MYH9: variants seen among roughly 807,000 people sequenced by gnomAD.
MYH9 encodes the protein myosin-9.
Under a neutral mutation model 241.9 loss-of-function variants are expected in MYH9, and 29 were observed. That is an observed-to-expected ratio of 0.12 (90% CI 0.09 to 0.16). The LOEUF (loss-of-function observed/expected upper bound fraction) is 0.16, where lower values mean the gene tolerates loss of function less well. MYH9 is among the 10% of genes least tolerant of loss of function. MYH9 has a pLI of 1.00. For missense variants in MYH9, 1,803 were observed against 2,595.5 expected (o/e 0.69, Z 6.63); for synonymous variants, 1,047 against 1,062.6 (o/e 0.99, Z 0.29).
At position 36,288,937 on chromosome 22, in the gene MYH9, G is replaced by T. The variant is rs1396297372; in HGVS notation, c.4560C>A (p.Val1520=). 6.2e-7 allele frequency: 1 copy of T among 1,613,712 alleles called. No individual in the cohort carries two copies. Among genetic ancestry groups the T allele is most frequent in the Non-Finnish European group, 8.5e-7 (1 of 1,180,042 alleles). Residue 1520 remains valine, a splice_region_variant and synonymous_variant, in exon 33 of 41, where the codon GTC becomes GTA. Transcript: ENST00000216181. This position sits in a 1 kb window ranked among gnomAD's most constrained non-coding sequence, Gnocchi z 4.8. ...MSSKDDVGKS[V]HELEKSKRAL... ...CCCGCTTGGACTTCTCCAGCTCGTG[G>T]ACCTGAGCCCCAGAGAGCCCAAGTC...
intron 31 of MYH9, 145 bp downstream of exon 31, chr22:36,291,841 C>A: frequency 8.4e-7 from 1 of 1,196,004 alleles, no homozygotes; most frequent in Non-Finnish European, 1.2e-6. Context: ...AAGCCAGAGC[C>A]TGAGGGTCCT....
chr22:36,285,691 C>T lies in MYH9; in HGVS notation c.5241G>A (p.Leu1747=). ...TGGCCTTCTTCAGCCGGTCGTTGATCAGCTCCGTGTTGCCCTGCTCCTCCT... is the reference window on the plus strand; with the variant it reads ...TGGCCTTCTTCAGCCGGTCGTTGATTAGCTCCGTGTTGCCCTGCTCCTCCT... The part of the protein sequence containing the change: ...ELEEEQGNTE[L]INDRLKKANL... Residue 1747 remains leucine, a synonymous_variant, in exon 37 of 41, where the codon CTG becomes CTA. Coordinates refer to ENST00000216181, the MANE Select transcript of MYH9 (RefSeq NM_002473.6). The surrounding 1 kb of genome is among the most constrained non-coding windows in gnomAD (Gnocchi z 7.0). 1 of 1,613,002 alleles carries T rather than the reference C, an allele frequency of 6.2e-7. No individual in the cohort carries two copies. Among genetic ancestry groups the T allele is most frequent in the Non-Finnish European group, 8.5e-7 (1 of 1,180,014 alleles).
In MYH9 at chr22:36,282,418, T is replaced by TGGGCCC; in HGVS notation, c.*244_*249dup. 4.9e-6 allele frequency: 3 copies of TGGGCCC among 612,910 alleles called. No individual in the cohort carries two copies. Among genetic ancestry groups the TGGGCCC allele is most frequent in the Non-Finnish European group, 8.8e-6 (3 of 341,666 alleles). 38.0% of individuals were successfully genotyped at this position (612,910 alleles called of 1,614,324 possible). A position where few individuals can be genotyped will look rare whatever the true frequency, so the allele number is the denominator to read the frequency against. ...AGGAGCCTGCTGGTCGCTCTCTGCC[T>TGGGCCC]GGGCCCGGGCCCTGTCTCTTTGGTA... is the stretch of plus-strand genomic sequence containing the variant. On this transcript the variant is annotated 3_prime_UTR_variant, in exon 41 of 41. Transcript: ENST00000216181.
At chr22:36,352,053 C>T (rs1375639293) in intron 1 of MYH9, among the ~76,000 whole-genome samples, 1 of 152,214 alleles carries the variant, frequency 6.6e-6, no homozygotes, top group Admixed American at 6.5e-5. Context: ...CAGAGTTGCC[C>T]AACCCAGGCA....
chr22:36,350,295 T>C (rs1396292152), intron 1 of MYH9, among the ~76,000 whole-genome samples: 1 of 152,236 alleles, frequency 6.6e-6, no homozygotes, highest in Admixed American at 6.5e-5. Flanking sequence ...CCTAGCACTT[T>C]GGGAGGCCGA....
chr22:36,326,490 G>T, intron 5 of MYH9, 78 bp downstream of exon 5: 1 of 1,287,196 alleles, frequency 7.8e-7, no homozygotes, highest in Non-Finnish European at 1.1e-6. Context: ...GCTGAAGCCG[G>T]GACCACTAAG....
chr22:36,285,460 A>G lies in MYH9; in HGVS notation c.5275-131T>C, dbSNP rs2016563865. ...TCCAGAGTCTTGGGTCTCCCAGAAA[A>G]GGGAAGATTAGAAACTTCTGAACAC... On this transcript the variant is annotated intron_variant, in intron 37 of 40. Transcript: ENST00000216181. This position sits in a 1 kb window ranked among gnomAD's most constrained non-coding sequence, Gnocchi z 7.0. The G allele has an allele frequency of 1.5e-6, 2 of 1,307,010 alleles. No individual in the cohort carries two copies. Among genetic ancestry groups the G allele is most frequent in the African/African-American group, 2.9e-5 (2 of 68,696 alleles). The allele number at this position is 1,307,010 out of a possible 1,614,324, so 81.0% of individuals were successfully genotyped here. A position where few individuals can be genotyped will look rare whatever the true frequency, so the allele number is the denominator to read the frequency against.
rs2146324926 is a variant in MYH9, at chr22:36,282,293, TCA to T, written c.*373_*374del. Reference sequence around the variant, plus strand: ...CGGGGGCTCCGACTACCAAAAGGCCTCAGTCTGAAGAAAAATAGATTCATAGA... The same window carrying T: ...CGGGGGCTCCGACTACCAAAAGGCCTGTCTGAAGAAAAATAGATTCATAGA... On this transcript the variant is annotated 3_prime_UTR_variant, in exon 41 of 41. Coordinates refer to ENST00000216181, the MANE Select transcript of MYH9 (RefSeq NM_002473.6). The T allele has an allele frequency of 3.2e-5, 13 of 404,764 alleles. No individual in the cohort carries two copies. In the South Asian group the frequency reaches 3.9e-4, roughly 12 times the overall value. 25.1% of individuals were successfully genotyped at this position (404,764 alleles called of 1,614,324 possible). A position where few individuals can be genotyped will look rare whatever the true frequency, so the allele number is the denominator to read the frequency against.
Position 36,326,559 on chromosome 22 carries a change from A to T in MYH9, c.612+9T>A. ...AGGCGGCCACAGGGACAAGGGCTGC[A>T]GCACTCACCTGGTCCTTCTTGCTCT... is the stretch of plus-strand genomic sequence containing the variant. On this transcript the variant is annotated intron_variant, in intron 5 of 40. Coordinates refer to ENST00000216181, the MANE Select transcript of MYH9 (RefSeq NM_002473.6). 6.2e-7 allele frequency: 1 copy of T among 1,613,420 alleles called. No homozygotes were observed. Among genetic ancestry groups the T allele is most frequent in the Non-Finnish European group, 8.5e-7 (1 of 1,179,310 alleles).
intron 1 of MYH9, among the ~76,000 whole-genome samples, chr22:36,376,997 A>C (rs959682429): frequency 6.6e-6 from 1 of 151,740 alleles, no homozygotes; most frequent in Non-Finnish European, 1.5e-5. Context: ...CGGGAGGTGG[A>C]GGTTGCAGTG....
At position 36,322,032 on chromosome 22, in the gene MYH9, T is replaced by C. The variant is rs1049443208; in HGVS notation, c.706-211A>G. ...TCAGGCGCCACACTGCCTAAGGCCA[T>C]GAGCCTGAGACAAGCTGATCCCACA... On this transcript the variant is annotated intron_variant, in intron 6 of 40. Coordinates refer to ENST00000216181, the MANE Select transcript of MYH9 (RefSeq NM_002473.6). 8 of 612,546 alleles carry C rather than the reference T, an allele frequency of 1.3e-5. No individual in the cohort carries two copies. In the African/African-American group the frequency reaches 1.5e-4, roughly 11 times the overall value. The allele number at this position is 612,546 out of a possible 1,614,324, so 37.9% of individuals were successfully genotyped here.
chr22:36,368,380 C>G (rs1313493372), intron 1 of MYH9, among the ~76,000 whole-genome samples: 1 of 152,154 alleles, frequency 6.6e-6, no homozygotes, highest in Non-Finnish European at 1.5e-5. Context: ...GTGTCTGTAC[C>G]CTGCAGGTCT....
At chr22:36,380,279 G>A (rs561835686) in intron 1 of MYH9, among the ~76,000 whole-genome samples, 3 of 152,200 alleles carry the variant, frequency 2.0e-5, no homozygotes, top group African/African-American at 4.8e-5. Flanking sequence ...CCTTGAGAAG[G>A]GGGGTAGGGC....
chr22:36,301,075 A>G lies in MYH9; in HGVS notation c.2632-18T>C. ...GCCATGAGCTGCAAACAACAAGTGG[A>G]AAACACAAGCTCCTCGCAACACCCT... On this transcript the variant is annotated intron_variant, in intron 21 of 40. Transcript: ENST00000216181. 3.1e-6 allele frequency: 5 copies of G among 1,605,918 alleles called. No homozygotes were observed. The highest frequency in any genetic ancestry group is 4.2e-6 in the Non-Finnish European group (5 of 1,179,402).
rs2017113681 is a variant in MYH9 at position 36,314,190 on chromosome 22, G to C, written c.1509C>G (p.Asp503Glu). The C allele has an allele frequency of 6.2e-7, 1 of 1,614,128 alleles. No individual in the cohort carries two copies. The highest frequency in any genetic ancestry group is 8.5e-7 in the Non-Finnish European group (1 of 1,180,038). The stretch of plus-strand genomic sequence containing the variant: ...TGCAGGGCTGCAGGTCGAGGCCAAA[G>C]TCGATGAAGTTCCACTCGATGCCCT... The part of the protein sequence containing the change: ...QREGIEWNFI[D>E]FGLDLQPCID... Residue 503 changes from aspartate (D) to glutamate (E), a missense_variant, in exon 13 of 41, where the codon GAC (aspartate) becomes GAG (glutamate). Asp to Glu is a conservative substitution (Grantham distance 45). Around this residue, in one of 11 missense-constraint regions of MYH9, gnomAD observed 163 missense variants for 349.7 expected, o/e 0.47. Transcript: ENST00000216181.
At position 36,297,074 on chromosome 22, in the gene MYH9, T is replaced by C. The variant is rs2016800701; in HGVS notation, c.3101-60A>G. 5.1e-6 allele frequency: 8 copies of C among 1,579,800 alleles called. No individual in the cohort carries two copies. The South Asian group carries it at 5.6e-5, about 11-fold the overall frequency. On this transcript the variant is annotated intron_variant, in intron 24 of 40. Coordinates refer to ENST00000216181, the MANE Select transcript of MYH9 (RefSeq NM_002473.6). ...GCCATGGGTTCTGTCTCCGTGTCAA[T>C]TACTTATACAAAATACTGAGCACTC... is the stretch of plus-strand genomic sequence containing the variant.
At position 36,321,929 on chromosome 22, in the gene MYH9, G is replaced by A. The variant is rs1218648326; in HGVS notation, c.706-108C>T. 18 of 1,025,940 alleles carry A rather than the reference G, an allele frequency of 1.8e-5. No homozygotes were observed. In the East Asian group the frequency reaches 2.2e-4, roughly 12 times the overall value. 63.6% of individuals were successfully genotyped at this position (1,025,940 alleles called of 1,614,324 possible). ...CCCCACCTCCGGTGGGCACAGCTTG[G>A]AGGGAGAAAACCCAGAGACGGGACC... On this transcript the variant is annotated intron_variant, in intron 6 of 40. Transcript: ENST00000216181.
At chr22:36,371,787 G>A (rs1024675351) in intron 1 of MYH9, among the ~76,000 whole-genome samples, 20 of 152,042 alleles carry the variant, frequency 1.3e-4, no homozygotes, top group African/African-American at 2.7e-4. Context: ...CGCCCGCCTC[G>A]GCCTCCCAAA....
chr22:36,319,178 G>A (rs2017208105), intron 10 of MYH9, among the ~76,000 whole-genome samples: 1 of 152,134 alleles, frequency 6.6e-6, no homozygotes, highest in East Asian at 1.9e-4. Context: ...CTAACAAAGG[G>A]GCTGAATCGG....
Sources: allele counts gnomAD v4.1 joint callset (sites outside exome capture counted in the v4.1 genomes callset), GRCh38; gene constraint gnomAD v4.1.1; regional missense constraint gnomAD v4.1.1; non-coding constraint Gnocchi (gnomAD v3.1); transcripts MANE v1.5; gene names NCBI Gene and HGNC (gene_info 2026-07-23, HGNC 2026-07-21).